The following CDK12 variants were observed in gnomAD, a reference collection of about 807,000 sequenced individuals.
CDK12 encodes cyclin-dependent kinase 12.
Under a neutral mutation model 133.8 loss-of-function variants are expected in CDK12, and 17 were observed. The ratio of observed to expected loss-of-function variants is 0.13; its 90% CI spans 0.09 to 0.19. The LOEUF is 0.19. Ranked by LOEUF, CDK12 falls within the 10% of genes least tolerant of loss-of-function variation. CDK12 has a pLI of 1.00. For synonymous variants in CDK12, 694 were observed against 683.6 expected (o/e 1.02, Z -0.24); for missense variants, 1,508 against 1,818.7 (o/e 0.83, Z 3.11).
intron 1 of CDK12, among the ~76,000 whole-genome samples, chr17:39,467,250 T>G (rs979917888): frequency 6.6e-6 from 1 of 152,178 alleles, no homozygotes; most frequent in African/African-American, 2.4e-5. Flanking sequence ...GCGCTGGGAT[T>G]ACAGGCATGA....
At chr17:39,517,331 C>T in intron 9 of CDK12, 109 bp from the exon 10 acceptor site, 1 of 689,784 alleles carries the variant, frequency 1.4e-6, no homozygotes, top group Non-Finnish European at 2.6e-6. Flanking sequence ...AATGTAATAA[C>T]CAAAGATTCC....
In CDK12 at chr17:39,519,944, T is replaced by A; in HGVS notation, c.2964-12T>A. 6.2e-7 allele frequency: 1 copy of A among 1,613,670 alleles called. No individual in the cohort carries two copies. Among genetic ancestry groups the A allele is most frequent in the Non-Finnish European group, 8.5e-7 (1 of 1,179,750 alleles). ...CATTGTGAACTTGTCCTTTCTGTGT[T>A]CTTTTCCATAGCATTCCTTCTGCAG... On this transcript the variant is annotated splice_polypyrimidine_tract_variant and intron_variant, in intron 10 of 13. Transcript: ENST00000447079.
intron 2 of CDK12, among the ~76,000 whole-genome samples, chr17:39,555,529 G>C (rs987029589): frequency 2.0e-5 from 3 of 151,958 alleles, no homozygotes; most frequent in Non-Finnish European, 4.4e-5. Context: ...CTCCCGGGCA[G>C]TATCAGAAGC....
Position 39,531,429 on chromosome 17 carries a change from A to G in CDK12, c.*113A>G. ...GCGAGGTAATCATCTGCATTTGGCT[A>G]CTGCAAAGCTGTCCGTTGTATTCCT... On this transcript the variant is annotated 3_prime_UTR_variant, in exon 14 of 14. Coordinates refer to ENST00000447079, the MANE Select transcript of CDK12 (RefSeq NM_016507.4). 1 of 1,067,328 alleles carries G rather than the reference A, an allele frequency of 9.4e-7. No individual in the cohort carries two copies. Among genetic ancestry groups the G allele is most frequent in the Non-Finnish European group, 1.2e-6 (1 of 802,140 alleles). 66.1% of individuals were successfully genotyped at this position (1,067,328 alleles called of 1,614,324 possible). A position where few individuals can be genotyped will look rare whatever the true frequency, so the allele number is the denominator to read the frequency against.
intron 1 of CDK12, among the ~76,000 whole-genome samples, chr17:39,465,249 C>CT (rs1227102271): frequency 8.8e-5 from 4 of 45,622 alleles, no homozygotes; most frequent in Admixed American, 2.4e-4. Context: ...AAGACTCAGT[C>CT]TTAAAAAAAA....
chr17:39,466,033 G>A (rs34904106), intron 1 of CDK12, among the ~76,000 whole-genome samples: 7,903 of 152,124 alleles, frequency 0.052, 665 homozygotes, highest in African/African-American at 0.18. Context: ...GAGGCTGGGC[G>A]TGGTGGCTTA....
At chr17:39,481,629 G>T (rs1402923050) in intron 2 of CDK12, among the ~76,000 whole-genome samples, 9 of 25,022 alleles carry the variant, frequency 3.6e-4, no homozygotes, top group Non-Finnish European at 7.8e-4. Context: ...TTGCTCGCTC[G>T]CGCGCTCTCT....
At chr17:39,485,600 A>G (rs2051061820) in intron 2 of CDK12, among the ~76,000 whole-genome samples, 1 of 151,534 alleles carries the variant, frequency 6.6e-6, no homozygotes, top group South Asian at 2.1e-4. Context: ...ATTTTGGTAG[A>G]GACAGGGTTT....
chr17:39,538,956 A>ATAC (rs1555582875), downstream of CDK12, among the ~76,000 whole-genome samples: 79 of 139,430 alleles, frequency 5.7e-4, no homozygotes, highest in African/African-American at 1.5e-3. Context: ...TACATACATA[A>ATAC]GGCTAGTATC....
At position 39,532,568 on chromosome 17, in the gene CDK12, T is replaced by C. The variant is rs956730868; in HGVS notation, c.*1252T>C. On this transcript the variant is annotated 3_prime_UTR_variant, in exon 14 of 14. Coordinates refer to ENST00000447079, the MANE Select transcript of CDK12 (RefSeq NM_016507.4). Reference sequence around the variant, plus strand: ...TAACCTAGTTTAGGGTGGGTATTTTTCTGAAGATACATCAATACCTGACCT... The same window carrying C: ...TAACCTAGTTTAGGGTGGGTATTTTCCTGAAGATACATCAATACCTGACCT... The C allele has an allele frequency of 4.3e-6, 1 of 232,350 alleles. No homozygotes were observed. The highest frequency in any genetic ancestry group is 2.2e-5 in the African/African-American group (1 of 45,310). 14.4% of individuals were successfully genotyped at this position (232,350 alleles called of 1,614,324 possible).
downstream of CDK12, among the ~76,000 whole-genome samples, chr17:39,538,365 A>G (rs914665159): frequency 2.0e-5 from 3 of 152,220 alleles, no homozygotes; most frequent in African/African-American, 7.2e-5. Flanking sequence ...GAATATGCGA[A>G]TTAGAGTCAC....
intron 1 of CDK12, among the ~76,000 whole-genome samples, chr17:39,465,251 T>TTA (rs2049216990): frequency 8.2e-6 from 1 of 121,280 alleles, no homozygotes; most frequent in Admixed American, 8.8e-5. Context: ...GACTCAGTCT[T>TTA]AAAAAAAAAA....
At chr17:39,527,195 A>G (rs1007718382) in intron 13 of CDK12, among the ~76,000 whole-genome samples, 8 of 152,252 alleles carry the variant, frequency 5.3e-5, no homozygotes, top group Admixed American at 3.3e-4. Context: ...TTAGGGTCCT[A>G]CATTCACATT....
chr17:39,520,209 T>C (rs554679312), intron 11 of CDK12, 122 bp downstream of exon 11: 2 of 1,019,888 alleles, frequency 2.0e-6, no homozygotes, highest in East Asian at 2.4e-5. Flanking sequence ...TTGAGTATTA[T>C]GGTTGAGGTT....
At chr17:39,489,989 A>G (rs1234627576) in intron 2 of CDK12, among the ~76,000 whole-genome samples, 1 of 151,714 alleles carries the variant, frequency 6.6e-6, no homozygotes, top group Non-Finnish European at 1.5e-5. Flanking sequence ...TAGGAACGAT[A>G]TATTAAGAGT....
downstream of CDK12, among the ~76,000 whole-genome samples, chr17:39,537,309 G>A (rs2055177314): frequency 6.6e-6 from 1 of 152,140 alleles, no homozygotes; most frequent in Non-Finnish European, 1.5e-5. Context: ...TTTGGACCTG[G>A]AGAAAACAGG....
At chr17:39,485,879 G>A (rs1465239407) in intron 2 of CDK12, among the ~76,000 whole-genome samples, 1 of 151,632 alleles carries the variant, frequency 6.6e-6, no homozygotes, top group East Asian at 1.9e-4. Context: ...TCTCCAAACA[G>A]ACAAAAAACC....
At chr17:39,490,442 TCC>T in intron 2 of CDK12, 113 bp from the exon 3 acceptor site, 1 of 648,328 alleles carries the variant, frequency 1.5e-6, no homozygotes, top group Middle Eastern at 4.5e-4. Context: ...CAGGTTTTTT[TCC>T]TTAAAAATTA....
chr17:39,465,377 A>G (rs2144993258), intron 1 of CDK12, among the ~76,000 whole-genome samples: 1 of 149,690 alleles, frequency 6.7e-6, no homozygotes, highest in Admixed American at 6.7e-5. Context: ...ACACTTTAAC[A>G]TGTTTACCAT....
Sources: allele counts gnomAD v4.1 joint callset (sites outside exome capture counted in the v4.1 genomes callset), GRCh38; gene constraint gnomAD v4.1.1; transcripts MANE v1.5; gene names NCBI Gene and HGNC (gene_info 2026-07-23, HGNC 2026-07-21).